Variants in ZNF516 observed in about 807,000 individuals in gnomAD.
The protein encoded by ZNF516 is zinc finger protein 516.
ZNF516 carries 19 observed loss-of-function variants against 79.7 expected under a neutral mutation model. That is an observed-to-expected ratio of 0.24 (90% confidence interval 0.17 to 0.35). The LOEUF is 0.35. ZNF516 is among the 10% of genes least tolerant of loss of function. The probability of loss-of-function intolerance (pLI) is 1.00; values close to 1 mark genes in which losing one functional copy is unlikely to be tolerated. For synonymous variants in ZNF516, 877 were observed against 739.5 expected (o/e 1.19, Z -3.02); for missense variants, 1,678 against 1,679.5 (o/e 1.00, Z 0.02).
intron 2 of ZNF516, among the ~76,000 whole-genome samples, chr18:76,462,546 TGCGTTAG>T (rs1237220512): frequency 1.3e-5 from 2 of 152,208 alleles, no homozygotes; most frequent in Non-Finnish European, 2.9e-5. Flanking sequence ...ATTCCATCAC[TGCGTTAG>T]GCAGCTCTGC....
Position 76,483,619 on chromosome 18 carries a change from G to A in ZNF516, c.-272+11525C>T, listed in dbSNP as rs377704146. Among the ~76,000 whole-genome samples, 24 of 152,310 alleles carry A rather than the reference G, an allele frequency of 1.6e-4. No homozygotes were observed. In the East Asian group the frequency reaches 1.7e-3, roughly 11 times the overall value. On this transcript the variant is annotated intron_variant, in intron 1 of 6. Coordinates refer to ENST00000443185, the MANE Select transcript of ZNF516 (RefSeq NM_014643.4). The stretch of plus-strand genomic sequence containing the variant: ...TTAAGAAGGTGAGTCTCAGGGCCCA[G>A]CCGTCTATCAGAACTGACCTGGTCT...
At position 76,442,121 on chromosome 18, in the gene ZNF516, G is replaced by A. The variant is rs772759749; in HGVS notation, c.934C>T (p.Leu312=). 2 of 1,613,964 alleles carry A rather than the reference G, an allele frequency of 1.2e-6. No individual in the cohort carries two copies. The highest frequency in any genetic ancestry group is 3.3e-5 in the Admixed American group (2 of 60,032). ...TTGTTGATGGTGGCGATGGGGTCCAGCTCACTCTTGGGCCTGTTCTTGCTG... is the reference window on the plus strand; with the variant it reads ...TTGTTGATGGTGGCGATGGGGTCCAACTCACTCTTGGGCCTGTTCTTGCTG... The part of the protein sequence containing the change: ...TGSKNRPKSE[L]DPIATINNVV... The change falls in exon 3 of 7, where the codon CTG becomes TTG. Residue 312 remains leucine (L), a synonymous_variant. Transcript: ENST00000443185.
chr18:76,464,006 T>C (rs1254524863), intron 1 of ZNF516, among the ~76,000 whole-genome samples: 1 of 152,042 alleles, frequency 6.6e-6, no homozygotes, highest in Non-Finnish European at 1.5e-5. Flanking sequence ...CACCACGCCA[T>C]GTTTCTCCAT....
intron 3 of ZNF516, among the ~76,000 whole-genome samples, chr18:76,420,197 G>T (rs747813608): frequency 5.9e-5 from 9 of 152,218 alleles, no homozygotes; most frequent in Non-Finnish European, 1.2e-4. Flanking sequence ...GCTGGAGATG[G>T]TGTAAATAAG....
At chr18:76,385,473 G>C (rs1267087170) in intron 3 of ZNF516, among the ~76,000 whole-genome samples, 1 of 152,218 alleles carries the variant, frequency 6.6e-6, no homozygotes, top group African/African-American at 2.4e-5. Flanking sequence ...TTTTATTACT[G>C]TAGTAAAATA....
chr18:76,426,210 G>A (rs1481933645), intron 3 of ZNF516, among the ~76,000 whole-genome samples: 1 of 152,202 alleles, frequency 6.6e-6, no homozygotes, highest in Non-Finnish European at 1.5e-5. Flanking sequence ...GTAAACTGCA[G>A]AAAGAAAGCA....
chr18:76,484,165 C>T (rs1385775826), intron 1 of ZNF516, among the ~76,000 whole-genome samples: 2 of 152,178 alleles, frequency 1.3e-5, no homozygotes, highest in African/African-American at 2.4e-5. Flanking sequence ...TTCAGCACAG[C>T]GTATGGAGAA....
At chr18:76,385,325 C>T (rs749369495) in intron 3 of ZNF516, among the ~76,000 whole-genome samples, 26 of 152,332 alleles carry the variant, frequency 1.7e-4, no homozygotes, top group African/African-American at 2.2e-4. Flanking sequence ...ATGTTTCACA[C>T]GGGGCCCAGG....
chr18:76,418,133 CAACATACACAGT>C (rs1284503750), intron 3 of ZNF516, among the ~76,000 whole-genome samples: 3 of 152,134 alleles, frequency 2.0e-5, no homozygotes, highest in Non-Finnish European at 4.4e-5. Context: ...ACACATGCTA[CAACATACACAGT>C]AACATACACA....
intron 3 of ZNF516, among the ~76,000 whole-genome samples, chr18:76,432,964 T>A (rs2075681934): frequency 6.6e-6 from 1 of 151,696 alleles, no homozygotes; most frequent in African/African-American, 2.4e-5. Context: ...CCTCCCCAAA[T>A]CCTCACTCCA....
intron 3 of ZNF516, among the ~76,000 whole-genome samples, chr18:76,397,273 A>G (rs1056883782): frequency 6.6e-5 from 10 of 152,212 alleles, no homozygotes; most frequent in African/African-American, 2.4e-4. Context: ...CGCTGCTGCC[A>G]ATCGTCCAGC....
chr18:76,451,787 G>A lies in ZNF516; in HGVS notation c.-157-8576C>T, dbSNP rs1912430631. 6.6e-6 allele frequency among the ~76,000 whole-genome samples: 1 copy of A among 152,164 alleles called. No individual in the cohort carries two copies. The highest frequency in any genetic ancestry group is 1.5e-5 in the Non-Finnish European group (1 of 68,038). On this transcript the variant is annotated intron_variant, in intron 2 of 6. Transcript: ENST00000443185. The surrounding 1 kb of genome is among the most constrained non-coding windows in gnomAD (Gnocchi z 6.0). The stretch of plus-strand genomic sequence containing the variant: ...AATACATCATTAACATCCTGGACAA[G>A]CTTATCTTACTACTGAGACAAAAAG...
At chr18:76,392,557 A>G (rs57607479) in intron 3 of ZNF516, among the ~76,000 whole-genome samples, 2,375 of 131,210 alleles carry the variant, frequency 0.018, 51 homozygotes, top group African/African-American at 0.074. Context: ...GCAGGTGGCC[A>G]CGTGGGGGAA....
chr18:76,417,782 C>T (rs1405492632), intron 3 of ZNF516, among the ~76,000 whole-genome samples: 1 of 152,072 alleles, frequency 6.6e-6, no homozygotes, highest in Non-Finnish European at 1.5e-5. Flanking sequence ...TGAGTTTCTG[C>T]ATAAGTTTCA....
At chr18:76,448,209 G>C (rs1386688716) in intron 2 of ZNF516, among the ~76,000 whole-genome samples, 1 of 152,106 alleles carries the variant, frequency 6.6e-6, no homozygotes, top group African/African-American at 2.4e-5. Context: ...TATTAAGGCT[G>C]CTGCCATACC....
chr18:76,431,538 C>T (rs1242802109), intron 3 of ZNF516, among the ~76,000 whole-genome samples: 2 of 152,202 alleles, frequency 1.3e-5, no homozygotes, highest in Non-Finnish European at 2.9e-5. Context: ...CATGTTGCGA[C>T]CGATTCCCTT....
chr18:76,384,682 C>T (rs745450823), intron 3 of ZNF516, among the ~76,000 whole-genome samples: 3 of 151,220 alleles, frequency 2.0e-5, no homozygotes, highest in East Asian at 2.0e-4. Flanking sequence ...CGGAAGAACT[C>T]GGCTAGAGAA....
chr18:76,419,879 C>T (rs2075483175), intron 3 of ZNF516, among the ~76,000 whole-genome samples: 1 of 152,216 alleles, frequency 6.6e-6, no homozygotes, highest in Non-Finnish European at 1.5e-5. Context: ...AATAAAAATA[C>T]TACTTGTCTC....
chr18:76,448,095 G>A (rs111848243), intron 2 of ZNF516, among the ~76,000 whole-genome samples: 2,606 of 152,172 alleles, frequency 0.017, 88 homozygotes, highest in African/African-American at 0.06. Flanking sequence ...ACATTGTAAC[G>A]GAGAAGGGGA....
Sources: allele counts gnomAD v4.1 joint callset (sites outside exome capture counted in the v4.1 genomes callset), GRCh38; gene constraint gnomAD v4.1.1; non-coding constraint Gnocchi (gnomAD v3.1); transcripts MANE v1.5; gene names NCBI Gene and HGNC (gene_info 2026-07-23, HGNC 2026-07-21).